The following PLXNA4 variants were observed in gnomAD, a reference collection of about 807,000 sequenced individuals.
PLXNA4 encodes the protein plexin A4.
A neutral mutation model predicts 191.8 loss-of-function variants in PLXNA4; 44 were observed. That is an observed-to-expected ratio of 0.23 (90% CI 0.18 to 0.29). The LOEUF is 0.29. Among genes scored for constraint, PLXNA4 ranks in the 10% least tolerant of loss-of-function variants. The pLI is 1.00. For missense variants in PLXNA4, 1,800 were observed against 2,488.8 expected, an observed-to-expected ratio of 0.72 and a Z score of 5.89; for synonymous variants, 1,082 against 1,009.5, an observed-to-expected ratio of 1.07 and a Z score of -1.36.
At chr7:132,540,264 G>C (rs929691660) in intron 1 of PLXNA4, among the ~76,000 whole-genome samples, 1 of 152,204 alleles carries the variant, frequency 6.6e-6, no homozygotes, top group African/African-American at 2.4e-5. Flanking sequence ...GTGGAGGGCT[G>C]GACGTCTCAT....
At chr7:132,300,937 A>G (rs2116517518) in intron 3 of PLXNA4, among the ~76,000 whole-genome samples, 1 of 152,308 alleles carries the variant, frequency 6.6e-6, no homozygotes, top group East Asian at 1.9e-4. Flanking sequence ...TTCGACTCCA[A>G]CTTCACTGCT....
intron 3 of PLXNA4, among the ~76,000 whole-genome samples, chr7:132,335,859 G>T (rs556511420): frequency 3.3e-4 from 50 of 152,316 alleles, no homozygotes; most frequent in Non-Finnish European, 7.1e-4. Flanking sequence ...CTTGTCTCAA[G>T]ACCTTTTTCC....
chr7:132,481,621 C>G (rs1050892504), intron 3 of PLXNA4, among the ~76,000 whole-genome samples: 1 of 152,176 alleles, frequency 6.6e-6, no homozygotes. Context: ...CAGTAGTTCC[C>G]TCTGCACCAC....
intron 3 of PLXNA4, among the ~76,000 whole-genome samples, chr7:132,474,981 C>T (rs1006432603): frequency 6.6e-6 from 1 of 152,148 alleles, no homozygotes; most frequent in Non-Finnish European, 1.5e-5. Context: ...TTAATATGCT[C>T]ATTACTCCAA....
intron 24 of PLXNA4, among the ~76,000 whole-genome samples, chr7:132,160,512 A>C (rs982181006): frequency 6.6e-6 from 1 of 152,066 alleles, no homozygotes; most frequent in East Asian, 1.9e-4. Flanking sequence ...TTCTACATCG[A>C]CGGCACCGTG....
At chr7:132,174,738 C>T (rs1001815197) in intron 21 of PLXNA4, 40 bp downstream of exon 21, 6 of 1,592,014 alleles carry the variant, frequency 3.8e-6, no homozygotes, top group Admixed American at 3.4e-5. Flanking sequence ...TGCCAACACG[C>T]TCCCCTGCTC....
At chr7:132,155,518 C>T (rs1275720960) in intron 25 of PLXNA4, among the ~76,000 whole-genome samples, 3 of 152,084 alleles carry the variant, frequency 2.0e-5, no homozygotes, top group Non-Finnish European at 4.4e-5. Flanking sequence ...AGGATCTTCT[C>T]GTGTTTGTTG....
rs572728564 is a variant in PLXNA4, at chr7:132,404,554, C to T, written c.1371+84738G>A. Among the ~76,000 whole-genome samples the T allele has an allele frequency of 4.6e-5, 7 of 152,278 alleles. 1 individual carries two copies. In the South Asian group the frequency reaches 1.5e-3, roughly 32 times the overall value. On this transcript the variant is annotated intron_variant, in intron 3 of 31. Coordinates refer to ENST00000321063, the MANE Select transcript of PLXNA4 (RefSeq NM_020911.2). ...TGTCACAGTGTCCCTGTTACATGGACCTGGCAGTGCACCAGGTGACATGGA... is the reference window on the plus strand; with the variant it reads ...TGTCACAGTGTCCCTGTTACATGGATCTGGCAGTGCACCAGGTGACATGGA...
At chr7:132,605,086 G>T (rs1802898713) in intron 2 of PLXNA4, among the ~76,000 whole-genome samples, 1 of 152,222 alleles carries the variant, frequency 6.6e-6, no homozygotes, top group Non-Finnish European at 1.5e-5. Flanking sequence ...TGAGCACTCT[G>T]CAGGAATCAT....
chr7:132,527,366 C>T (rs1475062068), intron 1 of PLXNA4, among the ~76,000 whole-genome samples: 3 of 151,908 alleles, frequency 2.0e-5, no homozygotes, highest in Admixed American at 6.6e-5. Flanking sequence ...CTCCCAGATA[C>T]CCAACTGCCT....
At chr7:132,512,873 A>G (rs1481324691) in intron 1 of PLXNA4, among the ~76,000 whole-genome samples, 2 of 152,172 alleles carry the variant, frequency 1.3e-5, no homozygotes, top group Admixed American at 6.5e-5. Flanking sequence ...TCAAGTCACC[A>G]TTTAGCTAGT....
chr7:132,366,389 T>C (rs937657878), intron 3 of PLXNA4, among the ~76,000 whole-genome samples: 1 of 152,084 alleles, frequency 6.6e-6, no homozygotes, highest in Admixed American at 6.6e-5. Flanking sequence ...CTGAGTGTGG[T>C]GGCGGGTGCC....
intron 3 of PLXNA4, among the ~76,000 whole-genome samples, chr7:132,386,756 C>CGA (rs1805162587): frequency 6.6e-6 from 1 of 152,148 alleles, no homozygotes; most frequent in Admixed American, 6.5e-5. Context: ...GGACCTGGCT[C>CGA]GAGAGCCTCA....
intron 2 of PLXNA4, among the ~76,000 whole-genome samples, chr7:132,598,972 G>A (rs115313216): frequency 4.6e-5 from 7 of 152,308 alleles, no homozygotes; most frequent in African/African-American, 1.7e-4. Flanking sequence ...GGGAACTAGT[G>A]TAATGGTTAT....
At chr7:132,432,832 A>C (rs1268075276) in intron 3 of PLXNA4, among the ~76,000 whole-genome samples, 3 of 152,202 alleles carry the variant, frequency 2.0e-5, no homozygotes, top group Non-Finnish European at 4.4e-5. Flanking sequence ...TCTTTCCAGA[A>C]ACACACCACT....
intron 3 of PLXNA4, among the ~76,000 whole-genome samples, chr7:132,373,004 ATTAC>A (rs1804508502): frequency 6.6e-6 from 1 of 152,224 alleles, no homozygotes; most frequent in Admixed American, 6.5e-5. Flanking sequence ...CCAAACATTT[ATTAC>A]TTACTATGTG....
At chr7:132,333,487 T>C (rs940820358) in intron 3 of PLXNA4, among the ~76,000 whole-genome samples, 59 of 152,132 alleles carry the variant, frequency 3.9e-4, no homozygotes, top group African/African-American at 1.4e-3. Context: ...GGAGGTGTGA[T>C]GGGAGGCACC....
chr7:132,207,437 A>C (rs1797662176), intron 10 of PLXNA4, among the ~76,000 whole-genome samples: 1 of 151,656 alleles, frequency 6.6e-6, no homozygotes, highest in South Asian at 2.1e-4. Flanking sequence ...GCCACGCACT[A>C]TTATTAGCAG....
intron 3 of PLXNA4, among the ~76,000 whole-genome samples, chr7:132,450,155 G>T (rs544180765): frequency 6.6e-6 from 1 of 152,200 alleles, no homozygotes; most frequent in Non-Finnish European, 1.5e-5. Context: ...GCTCAGGCTC[G>T]CACAGAAGTT....
Sources: allele counts gnomAD v4.1 joint callset (sites outside exome capture counted in the v4.1 genomes callset), GRCh38; gene constraint gnomAD v4.1.1; transcripts MANE v1.5; gene names NCBI Gene and HGNC (gene_info 2026-07-23, HGNC 2026-07-21).